The following MYO5C variants were observed in gnomAD, a reference collection of about 807,000 sequenced individuals.
The protein encoded by MYO5C is myosin VC, also known as unconventional myosin-Vc.
Under a neutral mutation model 235.7 loss-of-function variants are expected in MYO5C, and 194 were observed. The ratio of observed to expected loss-of-function variants is 0.82; its 90% confidence interval spans 0.73 to 0.93. MYO5C has a LOEUF of 0.93. Ranked by LOEUF, MYO5C falls within the 40% of genes least tolerant of loss-of-function variation. The probability of loss-of-function intolerance (pLI) is 0.00; values close to 1 mark genes in which losing one functional copy is unlikely to be tolerated. For synonymous variants in MYO5C, 707 were observed against 754.8 expected (o/e 0.94, Z 1.04); for missense variants, 2,038 against 2,127.2 (o/e 0.96, Z 0.82).
At chr15:52,291,065 A>T (rs1341584053) in intron 1 of MYO5C, among the ~76,000 whole-genome samples, 1 of 152,192 alleles carries the variant, frequency 6.6e-6, no homozygotes, top group Non-Finnish European at 1.5e-5. Flanking sequence ...CCAGTTAGTA[A>T]GGGGCAGGAC....
intron 1 of MYO5C, among the ~76,000 whole-genome samples, chr15:52,288,031 G>A (rs1468552429): frequency 6.6e-6 from 1 of 152,086 alleles, no homozygotes; most frequent in Non-Finnish European, 1.5e-5. Context: ...TGGTGAAAGT[G>A]GAGGTGTTCT....
intron 33 of MYO5C, 145 bp downstream of exon 33, chr15:52,214,458 C>T (rs6493546): frequency 0.56 from 302,134 of 544,158 alleles, 91,981 homozygotes; most frequent in Non-Finnish European, 0.65. Context: ...AGGATCCTTT[C>T]GTTAGCCCAG....
rs1305038548 is a variant in MYO5C at position 52,192,384 on chromosome 15, A to G, written c.*1518T>C. The G allele has an allele frequency of 6.6e-6, 1 of 152,190 alleles. No homozygotes were observed. Among genetic ancestry groups the G allele is most frequent in the Non-Finnish European group, 1.5e-5 (1 of 68,030 alleles). The allele number at this position is 152,190 out of a possible 1,614,324, so 9.4% of individuals were successfully genotyped here. On this transcript the variant is annotated 3_prime_UTR_variant, in exon 41 of 41. Coordinates refer to ENST00000261839, the MANE Select transcript of MYO5C (RefSeq NM_018728.4). ...TTCTACTTTTCATTTTTTCATGTACAATGTATTGAAATGAACTAAACTCAA... is the reference window on the plus strand; with the variant it reads ...TTCTACTTTTCATTTTTTCATGTACGATGTATTGAAATGAACTAAACTCAA...
chr15:52,246,985 C>G lies in MYO5C; in HGVS notation c.1911G>C (p.Glu637Asp). The G allele has an allele frequency of 6.2e-7, 1 of 1,614,018 alleles. No homozygotes were observed. The highest frequency in any genetic ancestry group is 8.5e-7 in the Non-Finnish European group (1 of 1,179,970). The change falls in exon 16 of 41, where the codon GAG (glutamate) becomes GAC (aspartate). Residue 637 changes from glutamate (E) to aspartate (D), a missense_variant. Physicochemically the swap from Glu to Asp is conservative, Grantham distance 45. Coordinates refer to ENST00000261839, the MANE Select transcript of MYO5C (RefSeq NM_018728.4). ...AGTGGGGCGTCGTCGCATTGAGGGTCTCCATGAGCAAGTACAGAGAGCTGC... is the reference window on the plus strand; with the variant it reads ...AGTGGGGCGTCGTCGCATTGAGGGTGTCCATGAGCAAGTACAGAGAGCTGC... ...KFRSSLYLLM[E>D]TLNATTPHYV...
intron 24 of MYO5C, among the ~76,000 whole-genome samples, chr15:52,229,657 A>G (rs1288734270): frequency 2.6e-5 from 4 of 152,172 alleles, no homozygotes; most frequent in Non-Finnish European, 4.4e-5. Context: ...AATAATTTAG[A>G]ATTGTCTCTA....
intron 4 of MYO5C, 43 bp downstream of exon 4, chr15:52,278,830 G>A (rs2037103601): frequency 1.2e-6 from 2 of 1,608,098 alleles, no homozygotes; most frequent in South Asian, 1.1e-5. Flanking sequence ...AATGCAGGGA[G>A]CATTGGCAGA....
chr15:52,291,408 T>A (rs1407937508), intron 1 of MYO5C, among the ~76,000 whole-genome samples: 1 of 152,186 alleles, frequency 6.6e-6, no homozygotes, highest in Non-Finnish European at 1.5e-5. Flanking sequence ...TGTCAGTATC[T>A]CTGTGCCTTC....
chr15:52,241,517 C>A (rs2036221615), intron 20 of MYO5C, among the ~76,000 whole-genome samples: 1 of 152,082 alleles, frequency 6.6e-6, no homozygotes, highest in South Asian at 2.1e-4. Context: ...CCTCGGCCTC[C>A]CACAGTGCTG....
rs2035371895 is a variant in MYO5C, at chr15:52,208,502, G to C, written c.4386+52C>G. 31 of 1,539,932 alleles carry C rather than the reference G, an allele frequency of 2.0e-5. No individual in the cohort carries two copies. The South Asian group carries it at 3.4e-4, about 17-fold the overall frequency. On this transcript the variant is annotated intron_variant, in intron 36 of 40. Transcript: ENST00000261839. Reference sequence around the variant, plus strand: ...TCTATTGAGCTCTGGCTCAGGAGGAGGTTATAGACTGGCTGTCAGCACAAA... The same window carrying C: ...TCTATTGAGCTCTGGCTCAGGAGGACGTTATAGACTGGCTGTCAGCACAAA...
At position 52,251,421 on chromosome 15, in the gene MYO5C, G is replaced by A. The variant is rs1167239601; in HGVS notation, c.1631C>T (p.Thr544Ile). ...PLFEKPRMSNTSFVIQHFADK... is the reference protein window; with the variant it reads ...PLFEKPRMSNISFVIQHFADK... ...AGCAAAGTGCTGGATGACAAAGGATGTGTTTGACATTCTAGGCTTTTCAAA... is the reference window on the plus strand; with the variant it reads ...AGCAAAGTGCTGGATGACAAAGGATATGTTTGACATTCTAGGCTTTTCAAA... The change falls in exon 13 of 41, where the codon ACA becomes ATA. Residue 544 changes from threonine to isoleucine, a missense_variant. Thr to Ile is a moderately conservative substitution (Grantham distance 89). Coordinates refer to ENST00000261839, the MANE Select transcript of MYO5C (RefSeq NM_018728.4). 24 of 1,600,030 alleles carry A rather than the reference G, an allele frequency of 1.5e-5. No homozygotes were observed. The highest frequency in any genetic ancestry group is 1.3e-5 in the African/African-American group (1 of 74,324).
Position 52,208,589 on chromosome 15 carries a change from A to C in MYO5C, c.4351T>G (p.Phe1451Val). ...CTGTACTGCTTCAGGCAATTGAGAA[A>C]ATGACAAGTGTTGGAAAGCCAAAAG... is the stretch of plus-strand genomic sequence containing the variant. ...LSFWLSNTCHFLNCLKQYSGE... is the reference protein window; with the variant it reads ...LSFWLSNTCHVLNCLKQYSGE... Residue 1451 changes from phenylalanine to valine, a missense_variant, in exon 36 of 41, where the codon TTT (phenylalanine) becomes GTT (valine). Physicochemically the swap from Phe to Val is conservative, Grantham distance 50. Coordinates refer to ENST00000261839, the MANE Select transcript of MYO5C (RefSeq NM_018728.4). 6.2e-7 allele frequency: 1 copy of C among 1,614,204 alleles called. No homozygotes were observed.
intron 7 of MYO5C, among the ~76,000 whole-genome samples, chr15:52,270,367 T>C (rs775547720): frequency 2.2e-4 from 33 of 152,168 alleles, no homozygotes; most frequent in Non-Finnish European, 3.7e-4. Flanking sequence ...CAAGTTCCAA[T>C]AGCTGATGGC....
At chr15:52,258,366 T>G (rs1403713854) in intron 10 of MYO5C, among the ~76,000 whole-genome samples, 1 of 152,206 alleles carries the variant, frequency 6.6e-6, no homozygotes, top group Non-Finnish European at 1.5e-5. Flanking sequence ...GTGACTTTCT[T>G]GAGGTCACGT....
chr15:52,240,220 C>CT (rs1411183826), intron 20 of MYO5C, among the ~76,000 whole-genome samples: 3 of 151,612 alleles, frequency 2.0e-5, no homozygotes, highest in African/African-American at 2.4e-5. Context: ...TTTTCTTTTT[C>CT]TTTTTTTGGA....
At chr15:52,225,229 C>T in intron 26 of MYO5C, 91 bp from the exon 27 acceptor site, 1 of 1,384,672 alleles carries the variant, frequency 7.2e-7, no homozygotes, top group Non-Finnish European at 1.0e-6. Flanking sequence ...TCTAGCTTCA[C>T]AGTCTCCAGC....
intron 38 of MYO5C, among the ~76,000 whole-genome samples, chr15:52,198,542 C>T (rs1238487450): frequency 1.3e-5 from 2 of 152,034 alleles, no homozygotes; most frequent in Non-Finnish European, 2.9e-5. Context: ...GTTCTTATTA[C>T]TTTTGCTTAG....
At chr15:52,249,912 C>A (rs1351580039) in intron 13 of MYO5C, among the ~76,000 whole-genome samples, 1 of 152,206 alleles carries the variant, frequency 6.6e-6, no homozygotes, top group Non-Finnish European at 1.5e-5. Flanking sequence ...CCCCATAGTG[C>A]ATGTGGGTTC....
intron 33 of MYO5C, among the ~76,000 whole-genome samples, chr15:52,213,867 C>A (rs1375499506): frequency 6.6e-6 from 1 of 152,180 alleles, no homozygotes; most frequent in Non-Finnish European, 1.5e-5. Context: ...CTGGGCCCTG[C>A]TCTCATGGGG....
rs576448111 is a variant in MYO5C at position 52,195,829 on chromosome 15, C to G, written c.4996-372G>C. On this transcript the variant is annotated intron_variant, in intron 39 of 40. Coordinates refer to ENST00000261839, the MANE Select transcript of MYO5C (RefSeq NM_018728.4). ...TATTATTATTTTTGAGATAGGGTCTCCCTTTATTGCCCAGGCTGGGGTGCA... is the reference window on the plus strand; with the variant it reads ...TATTATTATTTTTGAGATAGGGTCTGCCTTTATTGCCCAGGCTGGGGTGCA... 8.6e-5 allele frequency among the ~76,000 whole-genome samples: 13 copies of G among 151,998 alleles called. No individual in the cohort carries two copies. In the South Asian group the frequency reaches 2.3e-3, roughly 27 times the overall value.
Sources: gnomAD v4.1 joint callset for allele counts (sites outside exome capture counted in the v4.1 genomes callset) on GRCh38, gnomAD v4.1.1 for gene constraint, MANE v1.5 for transcripts, NCBI Gene and HGNC (gene_info 2026-07-23, HGNC 2026-07-21) for gene names.